The following ASXL1 variants were observed in gnomAD, a reference collection of about 807,000 sequenced individuals.
ASXL1 encodes ASXL transcriptional regulator 1.
A neutral mutation model predicts 89.1 loss-of-function variants in ASXL1; 65 were observed. That is an observed-to-expected ratio of 0.73 (90% confidence interval 0.60 to 0.90). ASXL1 has a LOEUF of 0.90. ASXL1 is among the 40% of genes least tolerant of loss of function. The pLI is 0.00. For synonymous variants in ASXL1, 739 were observed against 746.9 expected (o/e 0.99, Z 0.17); for missense variants, 1,786 against 1,942.9 (o/e 0.92, Z 1.52).
chr20:32,358,906 G>T lies in ASXL1; in HGVS notation c.57+74G>T, dbSNP rs1163924921. On this transcript the variant is annotated intron_variant, in intron 1 of 12. Transcript: ENST00000375687. ...GCTCGCCGCGCACCCCCCCACTGGG[G>T]GGGGAGGGGCAAGGCCCTGCCCACC... 1.2e-4 allele frequency: 172 copies of T among 1,393,620 alleles called. No individual in the cohort carries two copies. In the East Asian group the frequency reaches 4.2e-3, roughly 34 times the overall value. 86.3% of individuals were successfully genotyped at this position (1,393,620 alleles called of 1,614,324 possible). A position where few individuals can be genotyped will look rare whatever the true frequency, so the allele number is the denominator to read the frequency against.
At chr20:32,430,143 C>T (rs1366760774) in intron 8 of ASXL1, 90 bp downstream of exon 8, 1 of 1,468,368 alleles carries the variant, frequency 6.8e-7, no homozygotes, top group African/African-American at 1.4e-5. Flanking sequence ...AATTCCTTTA[C>T]CAGTTTATTT....
intron 4 of ASXL1, among the ~76,000 whole-genome samples, chr20:32,373,868 GA>G (rs1000114030): frequency 3.3e-5 from 5 of 149,878 alleles, no homozygotes; most frequent in Admixed American, 1.3e-4. Flanking sequence ...TTAAGAAAAA[GA>G]AAAAAAAATT....
At chr20:32,382,649 G>A (rs2048508871) in intron 4 of ASXL1, among the ~76,000 whole-genome samples, 1 of 151,550 alleles carries the variant, frequency 6.6e-6, no homozygotes, top group Non-Finnish European at 1.5e-5. Context: ...AGCCAGGCGT[G>A]GTGGCTCATG....
At chr20:32,380,729 A>G (rs1185465846) in intron 4 of ASXL1, among the ~76,000 whole-genome samples, 1 of 152,166 alleles carries the variant, frequency 6.6e-6, no homozygotes, top group Non-Finnish European at 1.5e-5. Flanking sequence ...CTGGGCGACT[A>G]ATTGAGACCC....
intron 4 of ASXL1, among the ~76,000 whole-genome samples, chr20:32,391,335 G>A (rs1206657530): frequency 1.3e-5 from 2 of 152,138 alleles, no homozygotes; most frequent in Non-Finnish European, 2.9e-5. Context: ...AAATATTTGT[G>A]TGTAAGTTTC....
chr20:32,390,949 G>A (rs535401175), intron 4 of ASXL1, among the ~76,000 whole-genome samples: 39 of 152,142 alleles, frequency 2.6e-4, no homozygotes, highest in African/African-American at 8.9e-4. Flanking sequence ...AGGCTGAAGT[G>A]CAGCGGCACG....
At chr20:32,381,112 G>A (rs1039214975) in intron 4 of ASXL1, among the ~76,000 whole-genome samples, 6 of 152,290 alleles carry the variant, frequency 3.9e-5, no homozygotes, top group Middle Eastern at 3.4e-3. Flanking sequence ...AAAATTCTGC[G>A]GTAACTTCTT....
chr20:32,419,683 CTT>C (rs1284686802), intron 4 of ASXL1, among the ~76,000 whole-genome samples: 11 of 135,538 alleles, frequency 8.1e-5, no homozygotes, highest in Admixed American at 1.5e-4. Context: ...GATATATTTT[CTT>C]TTTTTTTTTT....
intron 1 of ASXL1, 89 bp downstream of exon 1, chr20:32,358,921 C>A: frequency 7.7e-7 from 1 of 1,304,984 alleles, no homozygotes; most frequent in Non-Finnish European, 1.0e-6. Flanking sequence ...AGGGGCAAGG[C>A]CCTGCCCACC....
At chr20:32,363,101 A>C (rs1377012149) in intron 1 of ASXL1, among the ~76,000 whole-genome samples, 1 of 152,192 alleles carries the variant, frequency 6.6e-6, no homozygotes, top group Non-Finnish European at 1.5e-5. Context: ...ACTTGTTCTT[A>C]TACCAAGAGC....
At chr20:32,392,532 G>A (rs947408455) in intron 4 of ASXL1, among the ~76,000 whole-genome samples, 5 of 146,028 alleles carry the variant, frequency 3.4e-5, no homozygotes, top group African/African-American at 7.4e-5. Flanking sequence ...TGCCCGCCTC[G>A]GCCTCCCAAA....
intron 4 of ASXL1, among the ~76,000 whole-genome samples, chr20:32,373,961 C>G (rs977606448): frequency 1.1e-4 from 16 of 152,110 alleles, no homozygotes; most frequent in African/African-American, 3.9e-4. Context: ...TTTTGAACCA[C>G]TTGCCATGGT....
Position 32,429,976 on chromosome 20 carries a change from G to A in ASXL1, c.641G>A (p.Ser214Asn), listed in dbSNP as rs2123223997. ...SSSSGSLALG[S>N]AAIRGQAEVT... ...AGCAGCGGCTCTCTGGCCCTGGGCA[G>A]CGCTGCTATTCGTGGCCAGGCCGAG... Residue 214 changes from serine to asparagine, a missense_variant, in exon 8 of 13, where the codon AGC becomes AAC. Coordinates refer to ENST00000375687, the MANE Select transcript of ASXL1 (RefSeq NM_015338.6). The surrounding 1 kb of genome is among the most constrained non-coding windows in gnomAD (Gnocchi z 4.9). 1 of 1,609,128 alleles carries A rather than the reference G, an allele frequency of 6.2e-7. No homozygotes were observed. Among genetic ancestry groups the A allele is most frequent in the Non-Finnish European group, 8.5e-7 (1 of 1,179,906 alleles).
chr20:32,382,690 A>T (rs2048509641), intron 4 of ASXL1, among the ~76,000 whole-genome samples: 1 of 151,156 alleles, frequency 6.6e-6, no homozygotes, highest in South Asian at 2.1e-4. Flanking sequence ...GGAGGCTGAG[A>T]TGGAAGGATT....
At chr20:32,404,204 C>T (rs190465099) in intron 4 of ASXL1, among the ~76,000 whole-genome samples, 222 of 152,188 alleles carry the variant, frequency 1.5e-3, no homozygotes, top group Non-Finnish European at 2.4e-3. Context: ...GATCATTTTA[C>T]TCTCTGCCTC....
chr20:32,367,514 T>C (rs1217612700), intron 2 of ASXL1, among the ~76,000 whole-genome samples: 1 of 152,224 alleles, frequency 6.6e-6, no homozygotes, highest in Non-Finnish European at 1.5e-5. Flanking sequence ...AATTGACCTT[T>C]TAGGGTCAAA....
chr20:32,431,711 C>G (rs557096503), intron 10 of ASXL1, 32 bp downstream of exon 10: 7 of 1,602,360 alleles, frequency 4.4e-6, no homozygotes, highest in Non-Finnish European at 6.0e-6. Context: ...GGACGGCTTG[C>G]GACGCACCTG....
intron 4 of ASXL1, chr20:32,372,513 G>A: frequency 1.6e-6 from 1 of 608,512 alleles, no homozygotes; most frequent in Non-Finnish European, 2.1e-6. Context: ...ACAGTACTAG[G>A]TACATAGTTG....
In ASXL1 at chr20:32,433,694, G is replaced by A. The variant is rs549287573; in HGVS notation, c.1496G>A (p.Arg499His). 20 of 1,611,548 alleles carry A rather than the reference G, an allele frequency of 1.2e-5. No individual in the cohort carries two copies. The highest frequency in any genetic ancestry group is 3.3e-5 in the South Asian group (3 of 91,042). Reference protein sequence around the residue: ...RIQAEPDNLARASASPDRIPS... With the variant: ...RIQAEPDNLAHASASPDRIPS... ...CAGGCTGAGCCAGACAACTTGGCAC[G>A]TGCCTCTGCATCTCCAGACAGAATT... Residue 499 changes from arginine to histidine, a missense_variant, in exon 12 of 13, where the codon CGT (arginine) becomes CAT (histidine). Arg to His is a conservative substitution (Grantham distance 29). Around this residue, in one of 3 missense-constraint regions of ASXL1, gnomAD observed 1,418 missense variants for 1,427.8 expected, o/e 0.99. Coordinates refer to ENST00000375687, the MANE Select transcript of ASXL1 (RefSeq NM_015338.6).
Sources: allele counts gnomAD v4.1 joint callset (sites outside exome capture counted in the v4.1 genomes callset), GRCh38; gene constraint gnomAD v4.1.1; regional missense constraint gnomAD v4.1.1; non-coding constraint Gnocchi (gnomAD v3.1); transcripts MANE v1.5; gene names NCBI Gene and HGNC (gene_info 2026-07-23, HGNC 2026-07-21).